DNAH3: variants seen among roughly 807,000 people sequenced by gnomAD.
DNAH3 encodes axonemal beta dynein heavy chain 3.
Under a neutral mutation model 432.5 loss-of-function variants are expected in DNAH3, and 332 were observed. The ratio of observed to expected loss-of-function variants is 0.77; its 90% CI spans 0.70 to 0.84. DNAH3 has a LOEUF of 0.84. DNAH3 is among the 40% of genes least tolerant of loss of function. DNAH3 has a pLI of 0.00. For synonymous variants in DNAH3, 1,956 were observed against 1,900.2 expected, an observed-to-expected ratio of 1.03 and a Z score of -0.76; for missense variants, 4,861 against 5,114.0, an observed-to-expected ratio of 0.95 and a Z score of 1.51.
chr16:21,067,070 G>C (rs1219337584), intron 24 of DNAH3, among the ~76,000 whole-genome samples: 1 of 152,184 alleles, frequency 6.6e-6, no homozygotes. Flanking sequence ...TTTGGACAAC[G>C]TGTGCATTTG....
intron 39 of DNAH3, among the ~76,000 whole-genome samples, chr16:21,024,358 T>G: frequency 6.7e-6 from 1 of 148,310 alleles, no homozygotes; most frequent in Non-Finnish European, 1.5e-5. Context: ...AGCCAGGGAG[T>G]GATGGGGAAG....
At chr16:21,037,430 T>C (rs1319179536) in intron 34 of DNAH3, among the ~76,000 whole-genome samples, 2 of 152,246 alleles carry the variant, frequency 1.3e-5, no homozygotes, top group Non-Finnish European at 2.9e-5. Context: ...AACAAGATAG[T>C]AATGACTTCT....
At chr16:20,941,582 G>C in intron 58 of DNAH3, 39 bp from the exon 59 acceptor site, 1 of 1,609,938 alleles carries the variant, frequency 6.2e-7, no homozygotes, top group Non-Finnish European at 8.5e-7. Flanking sequence ...TGAGAAGCAA[G>C]CCCTACAGGC....
intron 27 of DNAH3, among the ~76,000 whole-genome samples, chr16:21,057,396 G>A (rs2090172472): frequency 1.3e-5 from 2 of 152,144 alleles, no homozygotes; most frequent in Non-Finnish European, 2.9e-5. Context: ...TTACAGCCTC[G>A]TGTCTAAGTA....
chr16:21,093,818 A>G (rs997167341), intron 18 of DNAH3, among the ~76,000 whole-genome samples: 4 of 151,894 alleles, frequency 2.6e-5, no homozygotes, highest in Non-Finnish European at 5.9e-5. Context: ...TTAAGTGGAT[A>G]AAAATTTTTT....
chr16:21,086,962 C>T, exon 19 of DNAH3: 1 of 1,614,188 alleles, frequency 6.2e-7, no homozygotes. Context: ...CGCCTGGGTG[C>T]AGGCACATCA....
At chr16:21,153,927 C>T (rs945203642) in intron 1 of DNAH3, among the ~76,000 whole-genome samples, 2 of 152,170 alleles carry the variant, frequency 1.3e-5, no homozygotes, top group Non-Finnish European at 2.9e-5. Context: ...TTTTCCATCT[C>T]TTATATTATG....
chr16:21,020,162 AG>A (rs1274177869), intron 40 of DNAH3, among the ~76,000 whole-genome samples: 2 of 150,598 alleles, frequency 1.3e-5, no homozygotes, highest in Admixed American at 6.7e-5. Context: ...CTGGGACCAC[AG>A]GCACTAGCCA....
At chr16:20,967,492 C>CTTTTTTT (rs756357963) in intron 52 of DNAH3, among the ~76,000 whole-genome samples, 4 of 52,786 alleles carry the variant, frequency 7.6e-5, no homozygotes, top group Non-Finnish European at 1.3e-4. Context: ...CAGACTTCTG[C>CTTTTTTT]TTTTTTTTTT....
intron 44 of DNAH3, among the ~76,000 whole-genome samples, chr16:20,988,700 T>C (rs2086352809): frequency 6.6e-6 from 1 of 152,270 alleles, no homozygotes. Flanking sequence ...AATCTCCTTT[T>C]GTGTCCGGAA....
At chr16:21,154,043 G>T (rs1013526369) in intron 1 of DNAH3, among the ~76,000 whole-genome samples, 3 of 152,208 alleles carry the variant, frequency 2.0e-5, no homozygotes, top group Non-Finnish European at 4.4e-5. Flanking sequence ...AGATTATCAG[G>T]TCTCCTATAC....
intron 5 of DNAH3, among the ~76,000 whole-genome samples, chr16:21,139,589 A>G (rs1010342239): frequency 5.5e-4 from 83 of 151,052 alleles, no homozygotes; most frequent in African/African-American, 1.9e-3. Context: ...TGATCCTCCC[A>G]CCTCAGCCTC....
intron 7 of DNAH3, among the ~76,000 whole-genome samples, chr16:21,131,427 A>G (rs7196308): frequency 0.28 from 41,252 of 149,024 alleles, 5,814 homozygotes; most frequent in African/African-American, 0.33. Flanking sequence ...AAGAAAGAAG[A>G]AAAGAAAGGA....
intron 59 of DNAH3, among the ~76,000 whole-genome samples, chr16:20,939,666 A>G (rs1427814192): frequency 6.6e-6 from 1 of 152,074 alleles, no homozygotes; most frequent in Non-Finnish European, 1.5e-5. Flanking sequence ...ACAACTCTCA[A>G]ATAACACTCC....
intron 41 of DNAH3, among the ~76,000 whole-genome samples, chr16:21,012,763 A>G (rs2087666968): frequency 6.6e-6 from 1 of 151,482 alleles, no homozygotes; most frequent in Non-Finnish European, 1.5e-5. Context: ...ACACTTTTTA[A>G]TTTTTTTTTA....
intron 42 of DNAH3, 109 bp from the exon 43 acceptor site, chr16:21,000,627 A>T: frequency 9.8e-7 from 1 of 1,019,830 alleles, no homozygotes; most frequent in Non-Finnish European, 1.4e-6. Flanking sequence ...TACTATCTTT[A>T]TGACCTTAGG....
intron 43 of DNAH3, among the ~76,000 whole-genome samples, chr16:20,998,437 G>C (rs2086859601): frequency 6.6e-6 from 1 of 152,040 alleles, no homozygotes; most frequent in Non-Finnish European, 1.5e-5. Context: ...ATTTTTAGTA[G>C]AGACGGGGTT....
At chr16:21,015,526 A>T (rs1379980583) in intron 41 of DNAH3, among the ~76,000 whole-genome samples, 3 of 152,208 alleles carry the variant, frequency 2.0e-5, no homozygotes, top group African/African-American at 7.2e-5. Context: ...CATACAACAC[A>T]AGAGTGAACC....
At chr16:21,118,748 A>G (rs1401141665) in intron 11 of DNAH3, among the ~76,000 whole-genome samples, 1 of 152,130 alleles carries the variant, frequency 6.6e-6, no homozygotes, top group African/African-American at 2.4e-5. Flanking sequence ...TCAGCCTCCA[A>G]AAGTATTGAG....
Sources: allele counts gnomAD v4.1 joint callset (sites outside exome capture counted in the v4.1 genomes callset), GRCh38; gene constraint gnomAD v4.1.1; transcripts MANE v1.5; gene names NCBI Gene and HGNC (gene_info 2026-07-23, HGNC 2026-07-21).